The following AMPD1 variants were observed in gnomAD, a reference collection of about 807,000 sequenced individuals.
AMPD1 encodes the protein adenosine monophosphate deaminase 1.
A neutral mutation model predicts 82.9 loss-of-function variants in AMPD1; 74 were observed. The observed-to-expected ratio is 0.89, with a 90% confidence interval of 0.74 to 1.08. The LOEUF is 1.08. Ranked by LOEUF, AMPD1 falls within the 50% of genes least tolerant of loss-of-function variation. The probability of loss-of-function intolerance (pLI) is 0.00; values close to 1 mark genes in which losing one functional copy is unlikely to be tolerated. For synonymous variants in AMPD1, 333 were observed against 320.5 expected, an observed-to-expected ratio of 1.04 and a Z score of -0.42; for missense variants, 881 against 924.5, an observed-to-expected ratio of 0.95 and a Z score of 0.61.
chr1:114,677,227 G>A (rs1658013552), intron 10 of AMPD1, 124 bp downstream of exon 10: 1 of 1,332,142 alleles, frequency 7.5e-7, no homozygotes. Flanking sequence ...GGACCCGATA[G>A]TGAATGCTGT....
chr1:114,678,037 C>A lies in AMPD1; in HGVS notation c.1097G>T (p.Arg366Leu), dbSNP rs372451247. 1 of 1,613,836 alleles carries A rather than the reference C, an allele frequency of 6.2e-7. No homozygotes were observed. ...TVDSLDVHAG[R>L]QTFQRFDKFN... ...CTTATCAAAACGCTGGAAGGTCTGG[C>A]GTCCCTGAATCAGGAAAAAAGAGCA... Residue 366 changes from arginine to leucine, a missense_variant, in exon 9 of 16, where the codon CGC becomes CTC. By Grantham distance (102) the Arg-to-Leu change is moderately radical. Around this residue, in one of 2 missense-constraint regions of AMPD1, gnomAD observed 783 missense variants for 786.4 expected, o/e 1.00. Coordinates refer to ENST00000520113, the MANE Select transcript of AMPD1 (RefSeq NM_000036.3).
intron 10 of AMPD1, among the ~76,000 whole-genome samples, chr1:114,676,738 G>A (rs185302692): frequency 1.7e-4 from 26 of 152,194 alleles, no homozygotes; most frequent in African/African-American, 5.3e-4. Context: ...CATTGCAGTA[G>A]GTCACACAGA....
intron 1 of AMPD1, among the ~76,000 whole-genome samples, chr1:114,693,899 T>C (rs902109480): frequency 6.6e-6 from 1 of 152,110 alleles, no homozygotes; most frequent in African/African-American, 2.4e-5. Context: ...AACATACTTA[T>C]ACTTAAAAAA....
intron 12 of AMPD1, 131 bp from the exon 13 acceptor site, chr1:114,675,003 T>C: frequency 8.3e-7 from 1 of 1,198,624 alleles, no homozygotes; most frequent in Non-Finnish European, 1.2e-6. Flanking sequence ...CAGTCCCAAA[T>C]CATAATCTTA....
At chr1:114,679,085 C>T (rs1658080246) in intron 7 of AMPD1, among the ~76,000 whole-genome samples, 1 of 152,186 alleles carries the variant, frequency 6.6e-6, no homozygotes, top group Non-Finnish European at 1.5e-5. Flanking sequence ...GGTCAGAATA[C>T]ATCTTGGAAG....
At chr1:114,684,163 A>C in intron 5 of AMPD1, 36 bp downstream of exon 5, 1 of 1,601,202 alleles carries the variant, frequency 6.2e-7, no homozygotes, top group Non-Finnish European at 8.5e-7. Flanking sequence ...AGTTTAAATA[A>C]AATATGTTTC....
intron 2 of AMPD1, among the ~76,000 whole-genome samples, chr1:114,689,472 A>C (rs1658442528): frequency 6.6e-6 from 1 of 152,104 alleles, no homozygotes; most frequent in South Asian, 2.1e-4. Context: ...ATGGGGGGAA[A>C]TGATGCTTCT....
At chr1:114,693,487 A>G in intron 1 of AMPD1, 40 bp from the exon 2 acceptor site, 1 of 1,575,898 alleles carries the variant, frequency 6.3e-7, no homozygotes, top group Non-Finnish European at 8.7e-7. Context: ...ATATGTGAAC[A>G]ACTTTCTGTA....
In AMPD1 at chr1:114,683,029, T is replaced by G. The variant is rs527820431; in HGVS notation, c.547+1170A>C. 3.7e-5 allele frequency: 11 copies of G among 296,062 alleles called. No homozygotes were observed. The Admixed American group carries it at 5.4e-4, about 14-fold the overall frequency. The allele number at this position is 296,062 out of a possible 1,614,324, so 18.3% of individuals were successfully genotyped here. A position where few individuals can be genotyped will look rare whatever the true frequency, so the allele number is the denominator to read the frequency against. ...TTAAAAAGTCAGAAATTTAATTGCC[T>G]AAAAATAGGAATTAAGTCAATTATG... On this transcript the variant is annotated intron_variant, in intron 5 of 15. Coordinates refer to ENST00000520113, the MANE Select transcript of AMPD1 (RefSeq NM_000036.3).
intron 1 of AMPD1, among the ~76,000 whole-genome samples, chr1:114,693,857 GA>G (rs1420328779): frequency 1.3e-5 from 2 of 152,034 alleles, no homozygotes; most frequent in Non-Finnish European, 2.9e-5. Flanking sequence ...CTTAAACATG[GA>G]AAAAGCTTTA....
chr1:114,688,408 G>A (rs983539793), intron 3 of AMPD1, among the ~76,000 whole-genome samples, 153 bp downstream of exon 3: 1 of 152,142 alleles, frequency 6.6e-6, no homozygotes, highest in African/African-American at 2.4e-5. Context: ...GATTACATTT[G>A]TGAGCCACTG....
chr1:114,695,309 G>T, intron 1 of AMPD1, 141 bp downstream of exon 1: 1 of 1,294,728 alleles, frequency 7.7e-7, no homozygotes, highest in Non-Finnish European at 1.1e-6. Context: ...AATATTTTGT[G>T]TTTTCCTGAA....
At chr1:114,690,834 C>A (rs1658495227) in intron 2 of AMPD1, among the ~76,000 whole-genome samples, 1 of 151,938 alleles carries the variant, frequency 6.6e-6, no homozygotes, top group Non-Finnish European at 1.5e-5. Context: ...CCATGAAGGG[C>A]AAATGGAAAC....
chr1:114,682,594 T>C (rs910045730), intron 5 of AMPD1, among the ~76,000 whole-genome samples: 13 of 151,910 alleles, frequency 8.6e-5, no homozygotes, highest in African/African-American at 2.9e-4. Flanking sequence ...TTTTTTTTTT[T>C]TTGAGACGGA....
intron 1 of AMPD1, 53 bp from the exon 2 acceptor site, chr1:114,693,500 C>T: frequency 6.6e-7 from 1 of 1,525,538 alleles, no homozygotes; most frequent in Non-Finnish European, 9.1e-7. Flanking sequence ...TTTCTGTAAT[C>T]ATGGTGGCTA....
intron 2 of AMPD1, among the ~76,000 whole-genome samples, chr1:114,693,176 A>C (rs1263361916): frequency 2.0e-5 from 3 of 147,754 alleles, no homozygotes; most frequent in Non-Finnish European, 4.5e-5. Context: ...AAGTAAAAGC[A>C]CTGCATGAGG....
At chr1:114,691,739 A>G (rs1207410543) in intron 2 of AMPD1, among the ~76,000 whole-genome samples, 1 of 152,068 alleles carries the variant, frequency 6.6e-6, no homozygotes, top group Non-Finnish European at 1.5e-5. Flanking sequence ...CAGCCTGGCC[A>G]ACATGGTGAA....
At chr1:114,673,569 A>G in intron 15 of AMPD1, 70 bp downstream of exon 15, 1 of 1,262,606 alleles carries the variant, frequency 7.9e-7, no homozygotes, top group Admixed American at 1.7e-5. Flanking sequence ...TGTGTTTCCC[A>G]ACTACTTTTT....
At position 114,675,584 on chromosome 1, in the gene AMPD1, G is replaced by A. The variant is rs1057523178; in HGVS notation, c.1625C>T (p.Thr542Ile). ...TGCATACATGTAGTAGGCATAGTAA[G>A]TGTAAGATGGATTCTTTTCCAATGT... is the stretch of plus-strand genomic sequence containing the variant. ...EWTLEKNPSY[T>I]YYAYYMYANI... The change falls in exon 12 of 16, where the codon ACT (threonine) becomes ATT (isoleucine). Residue 542 changes from threonine to isoleucine, a missense_variant. Thr to Ile is a moderately conservative substitution (Grantham distance 89, BLOSUM62 -1). Coordinates refer to ENST00000520113, the MANE Select transcript of AMPD1 (RefSeq NM_000036.3). The A allele has an allele frequency of 1.5e-5, 25 of 1,614,078 alleles. No homozygotes were observed. Among genetic ancestry groups the A allele is most frequent in the Non-Finnish European group, 2.0e-5 (24 of 1,180,028 alleles).
Sources: allele counts gnomAD v4.1 joint callset (sites outside exome capture counted in the v4.1 genomes callset), GRCh38; gene constraint gnomAD v4.1.1; regional missense constraint gnomAD v4.1.1; transcripts MANE v1.5; gene names NCBI Gene and HGNC (gene_info 2026-07-23, HGNC 2026-07-21).